MTSS2: variants seen among roughly 807,000 people sequenced by gnomAD.
MTSS2 encodes protein MTSS 2.
Under a neutral mutation model 67.1 loss-of-function variants are expected in MTSS2, and 27 were observed. That is an observed-to-expected ratio of 0.40 (90% confidence interval 0.30 to 0.55). The LOEUF (loss-of-function observed/expected upper bound fraction) is 0.55, where lower values mean the gene tolerates loss of function less well. MTSS2 is among the 20% of genes least tolerant of loss of function. The pLI is 0.43. For synonymous variants in MTSS2, 624 were observed against 468.6 expected (o/e 1.33, Z -4.28); for missense variants, 1,171 against 1,067.8 (o/e 1.10, Z -1.35).
intron 1 of MTSS2, among the ~76,000 whole-genome samples, chr16:70,684,716 T>C (rs970267379): frequency 6.6e-6 from 1 of 152,158 alleles, no homozygotes; most frequent in African/African-American, 2.4e-5. Flanking sequence ...CCCTTCATCC[T>C]AGGCTAAGGA....
chr16:70,675,154 G>A (rs1301793552), intron 10 of MTSS2, among the ~76,000 whole-genome samples: 1 of 151,326 alleles, frequency 6.6e-6, no homozygotes, highest in African/African-American at 2.4e-5. Context: ...GTCTGGGCGT[G>A]GTGGCTCACA....
chr16:70,677,366 C>T (rs1225977658), intron 9 of MTSS2, among the ~76,000 whole-genome samples: 2 of 152,044 alleles, frequency 1.3e-5, no homozygotes, highest in African/African-American at 4.8e-5. Context: ...GCGTGCTGCC[C>T]GCAGGCTGTG....
Position 70,663,386 on chromosome 16 carries a change from A to C in MTSS2, c.*291T>G. 4.7e-6 allele frequency: 2 copies of C among 427,144 alleles called. No individual in the cohort carries two copies. Among genetic ancestry groups the C allele is most frequent in the Non-Finnish European group, 8.2e-6 (2 of 244,290 alleles). The allele number at this position is 427,144 out of a possible 1,614,324, so 26.5% of individuals were successfully genotyped here. On this transcript the variant is annotated 3_prime_UTR_variant, in exon 15 of 15. Coordinates refer to ENST00000338779, the MANE Select transcript of MTSS2 (RefSeq NM_138383.3). ...GGCAGCGGCCCTGGCTCTGGTGCTT[A>C]TGGGTAGGGAAGAGGCAGGGCCCCA...
At chr16:70,673,724 TA>T (rs201043882) in intron 11 of MTSS2, among the ~76,000 whole-genome samples, 26 of 150,648 alleles carry the variant, frequency 1.7e-4, no homozygotes, top group East Asian at 7.8e-4. Context: ...GTGGGTACTG[TA>T]AAAAAAAAGA....
At position 70,674,522 on chromosome 16, in the gene MTSS2, G is replaced by A. The variant is rs747288873; in HGVS notation, c.837C>T (p.Pro279=). 18 of 1,612,472 alleles carry A rather than the reference G, an allele frequency of 1.1e-5. No individual in the cohort carries two copies. The South Asian group carries it at 2.0e-4, about 18-fold the overall frequency. Residue 279 remains proline (P), a synonymous_variant, in exon 11 of 15, where the codon CCC becomes CCT. Transcript: ENST00000338779. ...CACCCTTGGCACTGCTACTGCTGCT[G>A]GGGGCACTAGGGGAGTGAAGGAAGA... The part of the protein sequence containing the change: ...SSRKSSMCSA[P]SSSSSAKGGG...
Position 70,674,406 on chromosome 16 carries a change from G to A in MTSS2, c.953C>T (p.Ala318Val), listed in dbSNP as rs768688337. The A allele has an allele frequency of 2.5e-6, 4 of 1,614,218 alleles. No homozygotes were observed. Among genetic ancestry groups the A allele is most frequent in the Admixed American group, 1.7e-5 (1 of 60,032 alleles). The change falls in exon 11 of 15, where the codon GCT (alanine) becomes GTT (valine). Residue 318 changes from alanine (A) to valine (V), a missense_variant. Ala to Val is a moderately conservative substitution (Grantham distance 64). Transcript: ENST00000338779. The stretch of plus-strand genomic sequence containing the variant: ...ATGGGAGGAAACGCTGGAGAGGCGA[G>A]CGGTGGTGGTGGCTGGCTGCGCCAG... The part of the protein sequence containing the change: ...RSLAQPATTT[A>V]RLSSVSSHDS...
chr16:70,672,341 C>CAA (rs11297993), intron 11 of MTSS2, among the ~76,000 whole-genome samples: 41 of 80,858 alleles, frequency 5.1e-4, no homozygotes, highest in South Asian at 4.6e-4. Context: ...GAGCAAAATT[C>CAA]AAAAAAAAAA....
intron 1 of MTSS2, among the ~76,000 whole-genome samples, chr16:70,681,844 C>T (rs55912950): frequency 1.6e-4 from 24 of 152,348 alleles, no homozygotes; most frequent in Non-Finnish European, 3.1e-4. Context: ...TTAACGCATG[C>T]CCCGGGGTCC....
chr16:70,679,176 G>T, intron 7 of MTSS2, 139 bp downstream of exon 7: 1 of 1,058,684 alleles, frequency 9.4e-7, no homozygotes, highest in South Asian at 1.4e-5. Flanking sequence ...TGTGCCCCAG[G>T]CCCCTCCCTC....
At position 70,677,755 on chromosome 16, in the gene MTSS2, CCCCTGG is replaced by C. The variant is rs777599582; in HGVS notation, c.732+31_732+36del. ...CCTAGGGCAGCCCATCTCCTCCCTG[CCCCTGG>C]CCCTGGCCCTTGGCCAGAGGGCTCC... is the stretch of plus-strand genomic sequence containing the variant. On this transcript the variant is annotated intron_variant, in intron 9 of 14. Coordinates refer to ENST00000338779, the MANE Select transcript of MTSS2 (RefSeq NM_138383.3). The C allele has an allele frequency of 8.5e-6, 13 of 1,534,452 alleles. No individual in the cohort carries two copies. The East Asian group carries it at 9.2e-5, about 11-fold the overall frequency.
intron 11 of MTSS2, 78 bp downstream of exon 11, chr16:70,674,228 G>A: frequency 2.5e-6 from 3 of 1,206,380 alleles, no homozygotes; most frequent in East Asian, 2.5e-5. Context: ...AGCTATAGTA[G>A]TCCCGCATGT....
intron 2 of MTSS2, 37 bp downstream of exon 2, chr16:70,680,912 GGGGGGGCCTCTGCCT>G: frequency 6.9e-7 from 1 of 1,445,164 alleles, no homozygotes; most frequent in Admixed American, 1.9e-5. Flanking sequence ...GTTGGGCGGG[GGGGGGGCCTCTGCCT>G]GCCCCTCCCC....
rs143644229 is a variant in MTSS2, at chr16:70,664,397, C to G, written c.1524G>C (p.Pro508=). 6.4e-7 allele frequency: 1 copy of G among 1,559,492 alleles called. No individual in the cohort carries two copies. The highest frequency in any genetic ancestry group is 8.6e-7 in the Non-Finnish European group (1 of 1,157,908). The change falls in exon 15 of 15, where the codon CCG becomes CCC. Residue 508 remains proline, a synonymous_variant. Coordinates refer to ENST00000338779, the MANE Select transcript of MTSS2 (RefSeq NM_138383.3). Reference sequence around the variant, plus strand: ...TGGTGGATGACTTGTCAAACTCGGGCGGGCCCTCGCTGTCCGCATCCCCAT... The same window carrying G: ...TGGTGGATGACTTGTCAAACTCGGGGGGGCCCTCGCTGTCCGCATCCCCAT... ...SVNGDADSEG[P]PEFDKSSTIP...
At position 70,661,284 on chromosome 16, in the gene MTSS2, G is replaced by C. The variant is rs771569883; in HGVS notation, c.*2393C>G. ...TTGTAGCAGTGACTATATTTAAATC[G>C]GGGAGGATGGTGTGGAGGGGGCGGG... On this transcript the variant is annotated 3_prime_UTR_variant, in exon 15 of 15. Coordinates refer to ENST00000338779, the MANE Select transcript of MTSS2 (RefSeq NM_138383.3). 2 of 455,466 alleles carry C rather than the reference G, an allele frequency of 4.4e-6. No homozygotes were observed. Among genetic ancestry groups the C allele is most frequent in the South Asian group, 3.1e-5 (2 of 64,494 alleles). The allele number at this position is 455,466 out of a possible 1,614,324, so 28.2% of individuals were successfully genotyped here.
At chr16:70,674,209 A>C (rs908214247) in intron 11 of MTSS2, 97 bp downstream of exon 11, 2 of 934,014 alleles carry the variant, frequency 2.1e-6, no homozygotes, top group African/African-American at 3.6e-5. Flanking sequence ...CAGCTATAGT[A>C]GTCTCAACAG....
rs770176726 is a variant in MTSS2 at position 70,664,997 on chromosome 16, C to T, written c.1228G>A (p.Ala410Thr). The T allele has an allele frequency of 8.2e-6, 13 of 1,591,478 alleles. No homozygotes were observed. The South Asian group carries it at 1.3e-4, about 17-fold the overall frequency. The change falls in exon 13 of 15, where the codon GCC becomes ACC. Residue 410 changes from alanine to threonine, a missense_variant. This residue lies in a region of MTSS2 where 924 missense variants were observed against 756.0 expected (regional missense o/e 1.22). Coordinates refer to ENST00000338779, the MANE Select transcript of MTSS2 (RefSeq NM_138383.3). ...ELLRDTEPGPASGGTLGPSGE... is the reference protein window; with the variant it reads ...ELLRDTEPGPTSGGTLGPSGE... Reference sequence around the variant, plus strand: ...CTGGGGCCCAGGGTGCCCCCACTGGCAGGGCCTGGCTCTGTGTCTCGCAGG... The same window carrying T: ...CTGGGGCCCAGGGTGCCCCCACTGGTAGGGCCTGGCTCTGTGTCTCGCAGG...
chr16:70,670,882 ATTGC>A (rs2052908386), intron 11 of MTSS2, among the ~76,000 whole-genome samples: 2 of 142,958 alleles, frequency 1.4e-5, no homozygotes, highest in African/African-American at 5.1e-5. Flanking sequence ...AGGCAGGAAG[ATTGC>A]TTGAACCCAG....
intron 11 of MTSS2, among the ~76,000 whole-genome samples, chr16:70,672,848 G>A (rs1219181110): frequency 6.6e-6 from 1 of 152,102 alleles, no homozygotes; most frequent in Non-Finnish European, 1.5e-5. Flanking sequence ...AGAATAGAAA[G>A]AATCAAAGTG....
At chr16:70,672,392 T>G (rs1421730783) in intron 11 of MTSS2, among the ~76,000 whole-genome samples, 35 of 147,098 alleles carry the variant, frequency 2.4e-4, no homozygotes. Context: ...GAACATTATG[T>G]AGGGTCCTGA....
Sources: allele counts gnomAD v4.1 joint callset (sites outside exome capture counted in the v4.1 genomes callset), GRCh38; gene constraint gnomAD v4.1.1; regional missense constraint gnomAD v4.1.1; transcripts MANE v1.5; gene names NCBI Gene and HGNC (gene_info 2026-07-23, HGNC 2026-07-21).